The following TBC1D9 variants were observed in gnomAD, a reference collection of about 807,000 sequenced individuals.
The protein encoded by TBC1D9 is TBC1 domain family member 9, also known as TBC1 domain family member 9A.
Under a neutral mutation model 132.0 loss-of-function variants are expected in TBC1D9, and 63 were observed. The observed-to-expected ratio is 0.48, with a 90% CI of 0.39 to 0.59. TBC1D9 has a LOEUF of 0.59. Among genes scored for constraint, TBC1D9 ranks in the 20% least tolerant of loss-of-function variants. TBC1D9 has a pLI of 0.00. For missense variants in TBC1D9, 1,261 were observed against 1,592.7 expected (o/e 0.79, Z 3.54); for synonymous variants, 610 against 609.9 (o/e 1.00, Z 0.00).
intron 15 of TBC1D9, among the ~76,000 whole-genome samples, chr4:140,638,119 C>A (rs1736909448): frequency 1.3e-5 from 2 of 152,100 alleles, no homozygotes; most frequent in South Asian, 4.2e-4. Context: ...CGTAGAATAC[C>A]AGTGTTCTAG....
intron 9 of TBC1D9, among the ~76,000 whole-genome samples, chr4:140,667,989 T>C (rs1466423942): frequency 6.6e-6 from 1 of 152,214 alleles, no homozygotes; most frequent in Non-Finnish European, 1.5e-5. Context: ...CTTTTAATAA[T>C]AGCATTTGTG....
chr4:140,677,122 T>C (rs1221563074), intron 5 of TBC1D9, 21 bp from the exon 6 acceptor site: 1 of 1,611,586 alleles, frequency 6.2e-7, no homozygotes, highest in East Asian at 2.2e-5. Context: ...ATAATTACAA[T>C]TCACATAAGA....
At chr4:140,738,506 C>T (rs1242244586) in intron 1 of TBC1D9, among the ~76,000 whole-genome samples, 1 of 152,138 alleles carries the variant, frequency 6.6e-6, no homozygotes, top group Non-Finnish European at 1.5e-5. Context: ...ATTGAAATTC[C>T]CAAAACCATC....
chr4:140,637,077 C>A (rs1055694412), intron 15 of TBC1D9, among the ~76,000 whole-genome samples: 1 of 152,162 alleles, frequency 6.6e-6, no homozygotes, highest in African/African-American at 2.4e-5. Context: ...TTCAGCTGGG[C>A]GTAGTGGCTC....
chr4:140,752,555 C>A (rs1422174396), intron 1 of TBC1D9, among the ~76,000 whole-genome samples: 1 of 136,520 alleles, frequency 7.3e-6, no homozygotes. Flanking sequence ...TCCTGGTGTT[C>A]TATTTTTTTT....
At chr4:140,685,826 T>C (rs1289574561) in intron 3 of TBC1D9, among the ~76,000 whole-genome samples, 1 of 152,012 alleles carries the variant, frequency 6.6e-6, no homozygotes, top group Non-Finnish European at 1.5e-5. Context: ...ATTCCAGAGG[T>C]TCAGAAAGTT....
chr4:140,671,416 A>G (rs10519540), intron 6 of TBC1D9, among the ~76,000 whole-genome samples: 54,063 of 152,066 alleles, frequency 0.36, 11,462 homozygotes, highest in Non-Finnish European at 0.47. Context: ...TTAAAATTTC[A>G]TGGAGCTATA....
chr4:140,652,251 A>T (rs1004774367), intron 13 of TBC1D9, among the ~76,000 whole-genome samples: 3 of 152,150 alleles, frequency 2.0e-5, no homozygotes, highest in African/African-American at 4.8e-5. Context: ...AAATAAAAAA[A>T]AAAAAAAAAA....
chr4:140,697,712 T>C (rs374036535), intron 2 of TBC1D9, among the ~76,000 whole-genome samples: 3 of 152,314 alleles, frequency 2.0e-5, no homozygotes, highest in South Asian at 4.1e-4. Context: ...CAGGAAGATC[T>C]GTTTCATAGC....
intron 16 of TBC1D9, among the ~76,000 whole-genome samples, chr4:140,631,536 G>T (rs1165162287): frequency 6.6e-6 from 1 of 151,788 alleles, no homozygotes; most frequent in Non-Finnish European, 1.5e-5. Flanking sequence ...TTTCTAGAGG[G>T]ATCTCTCTGG....
At chr4:140,669,427 A>G (rs1456614534) in intron 8 of TBC1D9, among the ~76,000 whole-genome samples, 1 of 152,200 alleles carries the variant, frequency 6.6e-6, no homozygotes, top group Non-Finnish European at 1.5e-5. Flanking sequence ...ACAAAACAAG[A>G]CCAAAAGAAG....
intron 1 of TBC1D9, chr4:140,716,170 T>G (rs1423881789): frequency 1.3e-5 from 2 of 152,230 alleles, no homozygotes; most frequent in Non-Finnish European, 2.9e-5. Context: ...GGCCTGAAGA[T>G]AGCTTGAAAC....
chr4:140,643,137 T>A, intron 13 of TBC1D9: 2 of 1,431,140 alleles, frequency 1.4e-6, no homozygotes, highest in South Asian at 2.5e-5. Context: ...CACGGGCCCA[T>A]CCAGCACCTC....
chr4:140,622,608 TTTGTCCTCCAAGGGA>T lies in TBC1D9; in HGVS notation c.3373_3387del (p.Ser1125_Gln1129del). 1 of 1,613,806 alleles carries T rather than the reference TTTGTCCTCCAAGGGA, an allele frequency of 6.2e-7. No homozygotes were observed. Among genetic ancestry groups the T allele is most frequent in the Non-Finnish European group, 8.5e-7 (1 of 1,179,798 alleles). ...GAGTCCTCCAGCTTGATGTCCTCCA[TTTGTCCTCCAAGGGA>T]GTGTTCCTCGCTGTCGGGGGCCAGG... On this transcript the variant is annotated inframe_deletion, in exon 21 of 21. Transcript: ENST00000442267.
intron 13 of TBC1D9, chr4:140,644,732 G>C: frequency 4.9e-6 from 2 of 408,554 alleles, no homozygotes; most frequent in South Asian, 3.9e-5. Context: ...AGCTGCAACT[G>C]CTGGGCCTGG....
chr4:140,649,738 G>C (rs1268683501), intron 13 of TBC1D9, among the ~76,000 whole-genome samples: 1 of 152,120 alleles, frequency 6.6e-6, no homozygotes, highest in African/African-American at 2.4e-5. Context: ...AGAGGGTGAG[G>C]GGGGCAGAGG....
chr4:140,754,893 A>G (rs1306455265), intron 1 of TBC1D9, among the ~76,000 whole-genome samples: 2 of 152,152 alleles, frequency 1.3e-5, no homozygotes, highest in Non-Finnish European at 2.9e-5. Flanking sequence ...AAATATAATC[A>G]TAAGTAAATA....
At chr4:140,650,554 T>C (rs1262053320) in intron 13 of TBC1D9, among the ~76,000 whole-genome samples, 1 of 152,216 alleles carries the variant, frequency 6.6e-6, no homozygotes, top group Non-Finnish European at 1.5e-5. Context: ...TTTTTTGAGA[T>C]GGAGTTTCTC....
chr4:140,659,313 T>C (rs1737322643), intron 11 of TBC1D9: 2 of 259,466 alleles, frequency 7.7e-6, no homozygotes, highest in Admixed American at 5.2e-5. Context: ...ACATACCTGG[T>C]GTAGCTCTCA....
Sources: gnomAD v4.1 joint callset for allele counts (sites outside exome capture counted in the v4.1 genomes callset) on GRCh38, gnomAD v4.1.1 for gene constraint, MANE v1.5 for transcripts, NCBI Gene and HGNC (gene_info 2026-07-23, HGNC 2026-07-21) for gene names.